Variants in LHPP observed in about 807,000 individuals in gnomAD.
LHPP encodes the protein phospholysine phosphohistidine inorganic pyrophosphate phosphatase.
Under a neutral mutation model 30.3 loss-of-function variants are expected in LHPP, and 24 were observed. The observed-to-expected ratio is 0.79, with a 90% CI of 0.57 to 1.11. The LOEUF (loss-of-function observed/expected upper bound fraction) is 1.11, where lower values mean the gene tolerates loss of function less well. LHPP is among the 50% of genes most tolerant of loss of function. The pLI, the probability that LHPP is intolerant of heterozygous loss-of-function variation, is 0.00. For missense variants in LHPP, 356 were observed against 367.2 expected (o/e 0.97, Z 0.25); for synonymous variants, 150 against 157.1 (o/e 0.95, Z 0.34).
At chr10:124,499,121 C>G (rs1019519441) in intron 5 of LHPP, among the ~76,000 whole-genome samples, 2 of 151,828 alleles carry the variant, frequency 1.3e-5, no homozygotes, top group Non-Finnish European at 2.9e-5. Flanking sequence ...CTCAGGTTAT[C>G]TGCCCGCCTT....
intron 6 of LHPP, among the ~76,000 whole-genome samples, chr10:124,555,642 C>T (rs956820355): frequency 6.6e-6 from 1 of 152,190 alleles, no homozygotes; most frequent in African/African-American, 2.4e-5. Context: ...CACAGTCCTG[C>T]GCTGCCTGGT....
rs1465008965 is a variant in LHPP, at chr10:124,517,821, G to T, written c.716+550G>T. 6.6e-6 allele frequency among the ~76,000 whole-genome samples: 1 copy of T among 152,256 alleles called. No individual in the cohort carries two copies. Among genetic ancestry groups the T allele is most frequent in the Non-Finnish European group, 1.5e-5 (1 of 68,054 alleles). On this transcript the variant is annotated intron_variant, in intron 6 of 6. Transcript: ENST00000368842. The surrounding 1 kb of genome is among the most constrained non-coding windows in gnomAD (Gnocchi z 4.1). ...GCCTGGTCTGGAGCAGCTGTCAGGG[G>T]TTGGGAGCTCCCAGGCATGTGGAGG...
intron 6 of LHPP, among the ~76,000 whole-genome samples, chr10:124,577,074 AG>A (rs1385071338): frequency 1.3e-5 from 2 of 152,242 alleles, no homozygotes; most frequent in Non-Finnish European, 2.9e-5. Flanking sequence ...CCTAGAAAGT[AG>A]GTACCATTGT....
chr10:124,484,006 C>G, intron 1 of LHPP, 133 bp from the exon 2 acceptor site: 1 of 758,348 alleles, frequency 1.3e-6, no homozygotes, highest in Non-Finnish European at 2.1e-6. Context: ...AGCCAGGACC[C>G]CCTCAGGGGC....
chr10:124,508,202 T>C (rs1487213575), intron 5 of LHPP, among the ~76,000 whole-genome samples: 4 of 152,060 alleles, frequency 2.6e-5, no homozygotes, highest in African/African-American at 9.7e-5. Flanking sequence ...CCCTCCCCCA[T>C]GGGTGTTTCC....
At chr10:124,573,748 G>C (rs1217657918) in intron 6 of LHPP, among the ~76,000 whole-genome samples, 1 of 152,160 alleles carries the variant, frequency 6.6e-6, no homozygotes, top group East Asian at 1.9e-4. Context: ...GGGCCCCACT[G>C]TCCCCCATCA....
At position 124,530,169 on chromosome 10, in the gene LHPP, C is replaced by T. The variant is rs537539827; in HGVS notation, c.716+12898C>T. Among the ~76,000 whole-genome samples the T allele has an allele frequency of 2.3e-4, 35 of 152,252 alleles. No individual in the cohort carries two copies. The South Asian group carries it at 6.8e-3, about 30-fold the overall frequency. ...CCAGGCCCCCAGGGCAGTGTGCATC[C>T]GGCCTTCTTGCATGCCCACCTGGCA... On this transcript the variant is annotated intron_variant, in intron 6 of 6. Transcript: ENST00000368842.
intron 6 of LHPP, among the ~76,000 whole-genome samples, chr10:124,582,665 C>T (rs1948757299): frequency 6.6e-6 from 1 of 152,018 alleles, no homozygotes; most frequent in African/African-American, 2.4e-5. Flanking sequence ...ATGTATTACA[C>T]CCTATATTCT....
At chr10:124,471,504 ATATTATATATATT>A (rs1297822264) in intron 1 of LHPP, among the ~76,000 whole-genome samples, 2 of 4,922 alleles carry the variant, frequency 4.1e-4, no homozygotes, top group South Asian at 2.2e-3. Flanking sequence ...ATATATTTAT[ATATTATATATATT>A]TATATATTTA....
chr10:124,526,355 C>T (rs1954736015), intron 6 of LHPP: 1 of 381,462 alleles, frequency 2.6e-6, no homozygotes, highest in Non-Finnish European at 3.6e-6. Flanking sequence ...AGCCACCCGC[C>T]TTCTTACCCC....
chr10:124,528,972 G>C (rs993800194), intron 6 of LHPP, among the ~76,000 whole-genome samples: 2 of 150,562 alleles, frequency 1.3e-5, no homozygotes, highest in African/African-American at 4.9e-5. Context: ...AAGAATAAGA[G>C]TTATTTTTTA....
At chr10:124,549,466 A>C (rs1055413082) in intron 6 of LHPP, among the ~76,000 whole-genome samples, 1 of 152,102 alleles carries the variant, frequency 6.6e-6, no homozygotes, top group Non-Finnish European at 1.5e-5. Context: ...TGGCCAATGA[A>C]TTTTATCAGC....
chr10:124,583,465 G>C (rs2133993713), intron 6 of LHPP, among the ~76,000 whole-genome samples: 1 of 152,236 alleles, frequency 6.6e-6, no homozygotes, highest in African/African-American at 2.4e-5. Flanking sequence ...GTAGTAGGCT[G>C]TTCTTGCACT....
intron 1 of LHPP, among the ~76,000 whole-genome samples, chr10:124,477,285 C>G (rs986818549): frequency 6.6e-6 from 1 of 152,162 alleles, no homozygotes; most frequent in African/African-American, 2.4e-5. Flanking sequence ...CTACAACCCC[C>G]GGGGAAGGGG....
chr10:124,547,362 T>G (rs1358593923), intron 6 of LHPP, among the ~76,000 whole-genome samples: 1 of 152,262 alleles, frequency 6.6e-6, no homozygotes, highest in Non-Finnish European at 1.5e-5. Context: ...TAATTTCTCA[T>G]AAATATTTCA....
In LHPP at chr10:124,475,697, C is replaced by T. The variant is rs185330235; in HGVS notation, c.126-8442C>T. ...ACAGGGAGGAGGTGTGTCTGCTTCC[C>T]GAGCTGAGCTCCCACCTTACTTACA... On this transcript the variant is annotated intron_variant, in intron 1 of 6. Coordinates refer to ENST00000368842, the MANE Select transcript of LHPP (RefSeq NM_022126.4). 2.5e-3 allele frequency among the ~76,000 whole-genome samples: 375 copies of T among 152,256 alleles called. 1 individual carries two copies. Among genetic ancestry groups the T allele is most frequent in the South Asian group, 0.013 (65 of 4,820 alleles).
chr10:124,470,597 C>G (rs1055243328), intron 1 of LHPP, among the ~76,000 whole-genome samples: 3 of 152,020 alleles, frequency 2.0e-5, no homozygotes, highest in African/African-American at 7.3e-5. Context: ...CCCGGCTTCC[C>G]TGGTACCATC....
chr10:124,529,051 A>G (rs1418912257), intron 6 of LHPP, among the ~76,000 whole-genome samples: 2 of 66,252 alleles, frequency 3.0e-5, no homozygotes, highest in Admixed American at 2.1e-4. Flanking sequence ...TTTTTTTTTG[A>G]GACAGAGTCT....
Position 124,484,202 on chromosome 10 carries a change from G to A in LHPP, c.189G>A (p.Glu63=). ...ACGAGTCGCAGAAGTCCCGGGCAGA[G>A]CTGGTGGGGCAGCTTCAGAGGCTGG... The part of the protein sequence containing the change: ...CTNESQKSRA[E]LVGQLQRLGF... Residue 63 remains glutamate, a synonymous_variant, in exon 2 of 7, where the codon GAG becomes GAA. Transcript: ENST00000368842. The A allele has an allele frequency of 6.2e-7, 1 of 1,614,138 alleles. No homozygotes were observed. The highest frequency in any genetic ancestry group is 8.5e-7 in the Non-Finnish European group (1 of 1,180,040).
Sources: gnomAD v4.1 joint callset for allele counts (sites outside exome capture counted in the v4.1 genomes callset) on GRCh38, gnomAD v4.1.1 for gene constraint, Gnocchi (gnomAD v3.1) non-coding constraint, MANE v1.5 for transcripts, NCBI Gene and HGNC (gene_info 2026-07-23, HGNC 2026-07-21) for gene names.